The following ZDHHC14 variants were observed in gnomAD, a reference collection of about 807,000 sequenced individuals.
ZDHHC14 encodes the protein palmitoyltransferase ZDHHC14.
A neutral mutation model predicts 47.7 loss-of-function variants in ZDHHC14; 16 were observed. The ratio of observed to expected loss-of-function variants is 0.34; its 90% confidence interval spans 0.23 to 0.51. The LOEUF is 0.51. ZDHHC14 is among the 20% of genes least tolerant of loss of function. The pLI is 0.97. For synonymous variants in ZDHHC14, 293 were observed against 278.9 expected (o/e 1.05, Z -0.50); for missense variants, 515 against 662.5 (o/e 0.78, Z 2.44).
intron 1 of ZDHHC14, among the ~76,000 whole-genome samples, chr6:157,525,933 C>T (rs1290060867): frequency 2.0e-5 from 3 of 152,182 alleles, no homozygotes; most frequent in East Asian, 1.9e-4. Context: ...TCCTCTCCGC[C>T]GGGATAAACT....
chr6:157,499,596 C>G (rs1213850890), intron 1 of ZDHHC14, among the ~76,000 whole-genome samples: 1 of 152,100 alleles, frequency 6.6e-6, no homozygotes, highest in East Asian at 1.9e-4. Context: ...AGTCCAGAAC[C>G]TGCCTCACCA....
chr6:157,656,707 A>AG (rs1386156552), intron 8 of ZDHHC14, among the ~76,000 whole-genome samples: 5 of 52,604 alleles, frequency 9.5e-5, no homozygotes. Flanking sequence ...TGAAGATACC[A>AG]AAAAAAAAAA....
At position 157,658,582 on chromosome 6, in the gene ZDHHC14, G is replaced by A. The variant is rs137966490; in HGVS notation, c.1068+4955G>A. Reference sequence around the variant, plus strand: ...CTGTGGGGCTATGCGCAGTCTGGCCGTCATACCAGAACTTTCTTGAGAGTA... The same window carrying A: ...CTGTGGGGCTATGCGCAGTCTGGCCATCATACCAGAACTTTCTTGAGAGTA... On this transcript the variant is annotated intron_variant, in intron 8 of 8. Transcript: ENST00000359775. Among the ~76,000 whole-genome samples, 24 of 152,238 alleles carry A rather than the reference G, an allele frequency of 1.6e-4. No homozygotes were observed. In the South Asian group the frequency reaches 2.5e-3, roughly 16 times the overall value.
intron 3 of ZDHHC14, among the ~76,000 whole-genome samples, chr6:157,595,886 T>G (rs1784108518): frequency 6.6e-6 from 1 of 152,070 alleles, no homozygotes. Flanking sequence ...GGTCTATGTA[T>G]GGGAGACCCA....
At chr6:157,408,804 T>G (rs1014639963) in intron 1 of ZDHHC14, among the ~76,000 whole-genome samples, 1 of 152,228 alleles carries the variant, frequency 6.6e-6, no homozygotes, top group Non-Finnish European at 1.5e-5. Flanking sequence ...TGATTTATAG[T>G]CCTTTCGATA....
intron 1 of ZDHHC14, among the ~76,000 whole-genome samples, chr6:157,445,105 T>TACACACACACACACAC (rs533031947): frequency 4.2e-4 from 56 of 131,766 alleles, no homozygotes; most frequent in African/African-American, 1.5e-3. Flanking sequence ...TGCCAGATAT[T>TACACACACACACACAC]ACACACACAC....
intron 1 of ZDHHC14, among the ~76,000 whole-genome samples, chr6:157,465,281 G>C (rs1779185756): frequency 6.6e-6 from 1 of 152,042 alleles, no homozygotes; most frequent in South Asian, 2.1e-4. Flanking sequence ...CATAAACCAA[G>C]TAGAGTACAT....
intron 3 of ZDHHC14, among the ~76,000 whole-genome samples, chr6:157,624,382 G>T (rs1425726607): frequency 1.3e-5 from 2 of 152,218 alleles, no homozygotes; most frequent in African/African-American, 4.8e-5. Context: ...AAGAAAGAAT[G>T]CTGTCTGCTA....
chr6:157,421,670 C>G (rs1317754042), intron 1 of ZDHHC14, among the ~76,000 whole-genome samples: 2 of 152,004 alleles, frequency 1.3e-5, no homozygotes, highest in Admixed American at 6.5e-5. Flanking sequence ...TGCAGTGGCA[C>G]AATCCCGGCT....
At chr6:157,414,660 A>T (rs535992732) in intron 1 of ZDHHC14, among the ~76,000 whole-genome samples, 16 of 152,258 alleles carry the variant, frequency 1.1e-4, no homozygotes, top group South Asian at 8.3e-4. Context: ...CCAGGCCACC[A>T]CTGGGCACAG....
chr6:157,441,510 C>T (rs1332823285), intron 1 of ZDHHC14, among the ~76,000 whole-genome samples: 1 of 152,126 alleles, frequency 6.6e-6, no homozygotes, highest in African/African-American at 2.4e-5. Context: ...AATCTAGACA[C>T]AGCTTCTTGA....
chr6:157,467,852 G>A lies in ZDHHC14; in HGVS notation c.246-74733G>A, dbSNP rs958428208. On this transcript the variant is annotated intron_variant, in intron 1 of 8. Transcript: ENST00000359775. Reference sequence around the variant, plus strand: ...GGTGTGATTCATCCCTCATTATGGCGGTATAATATTCTGTTGTATGAGTAG... The same window carrying A: ...GGTGTGATTCATCCCTCATTATGGCAGTATAATATTCTGTTGTATGAGTAG... Among the ~76,000 whole-genome samples the A allele has an allele frequency of 4.6e-5, 7 of 151,882 alleles. No homozygotes were observed. The East Asian group carries it at 5.8e-4, about 13-fold the overall frequency.
At chr6:157,522,887 ACCAT>A (rs1780993663) in intron 1 of ZDHHC14, among the ~76,000 whole-genome samples, 1 of 27,294 alleles carries the variant, frequency 3.7e-5, no homozygotes, top group Admixed American at 4.6e-4. Flanking sequence ...CCATCTTCCT[ACCAT>A]CCTTCCTTCC....
chr6:157,650,227 GAGA>G (rs1190863688), intron 7 of ZDHHC14, among the ~76,000 whole-genome samples: 1 of 152,366 alleles, frequency 6.6e-6, no homozygotes, highest in South Asian at 2.1e-4. Context: ...TCCCAAGGGT[GAGA>G]AGGAGTTCGG....
rs1004599136 is a variant in ZDHHC14 at position 157,604,583 on chromosome 6, T to C, written c.565+11437T>C. Among the ~76,000 whole-genome samples the C allele has an allele frequency of 5.8e-4, 88 of 151,112 alleles. 1 individual carries two copies. Among genetic ancestry groups the C allele is most frequent in the Non-Finnish European group, 1.3e-4 (9 of 67,912 alleles). ...TTTTTTTTGAGACGGATTCTTGCTC[T>C]GTTGCCCAGGCTGGAGTGCAGTGGC... On this transcript the variant is annotated intron_variant, in intron 3 of 8. Coordinates refer to ENST00000359775, the MANE Select transcript of ZDHHC14 (RefSeq NM_024630.3).
intron 5 of ZDHHC14, among the ~76,000 whole-genome samples, chr6:157,636,092 G>A (rs912880657): frequency 1.3e-5 from 2 of 152,038 alleles, no homozygotes; most frequent in Admixed American, 1.3e-4. Flanking sequence ...AAACCCAGAC[G>A]CAGGCCACAC....
At chr6:157,538,197 T>C (rs1358349501) in intron 1 of ZDHHC14, among the ~76,000 whole-genome samples, 3 of 152,306 alleles carry the variant, frequency 2.0e-5, no homozygotes, top group Non-Finnish European at 4.4e-5. Context: ...CAACATATGG[T>C]GCTGCATCTA....
intron 1 of ZDHHC14, among the ~76,000 whole-genome samples, chr6:157,458,849 A>ATTTTTTTTTTTTTTGTTTTTT (rs1778992868): frequency 1.2e-5 from 1 of 81,226 alleles, no homozygotes; most frequent in Non-Finnish European, 2.3e-5. Context: ...ATGTGGGTGG[A>ATTTTTTTTTTTTTTGTTTTTT]TTTTTTTTTT....
rs768063106 is a variant in ZDHHC14 at position 157,536,819 on chromosome 6, C to CTTTTT, written c.246-5753_246-5749dup. On this transcript the variant is annotated intron_variant, in intron 1 of 8. Transcript: ENST00000359775. ...TCTGTCTATCTATCCCTCCATCTAT[C>CTTTTT]TTTTTTTTTTTTTTTTTGAGACAGA... 1.5e-4 allele frequency among the ~76,000 whole-genome samples: 15 copies of CTTTTT among 97,998 alleles called. 4 individuals are homozygous for CTTTTT. Among genetic ancestry groups the CTTTTT allele is most frequent in the Non-Finnish European group, 2.7e-4 (14 of 52,646 alleles). The allele number at this position is 97,998 out of a possible 152,430, so 64.3% of individuals were successfully genotyped here. A position where few individuals can be genotyped will look rare whatever the true frequency, so the allele number is the denominator to read the frequency against.
Sources: allele counts gnomAD v4.1 joint callset (sites outside exome capture counted in the v4.1 genomes callset), GRCh38; gene constraint gnomAD v4.1.1; transcripts MANE v1.5; gene names NCBI Gene and HGNC (gene_info 2026-07-23, HGNC 2026-07-21).